Variants in ADGRL2 observed in about 807,000 individuals in gnomAD.
ADGRL2 encodes adhesion G protein-coupled receptor L2.
Under a neutral mutation model 157.4 loss-of-function variants are expected in ADGRL2, and 44 were observed. That is an observed-to-expected ratio of 0.28 (90% CI 0.22 to 0.36). The LOEUF (loss-of-function observed/expected upper bound fraction) is 0.36. ADGRL2 is among the 10% of genes least tolerant of loss of function. ADGRL2 has a pLI of 1.00. For synonymous variants in ADGRL2, 585 were observed against 624.7 expected, an observed-to-expected ratio of 0.94 and a Z score of 0.95; for missense variants, 1,510 against 1,768.9, an observed-to-expected ratio of 0.85 and a Z score of 2.63.
In ADGRL2 at chr1:81,775,758, A is replaced by T. The variant is rs58199383; in HGVS notation, c.-101+13906A>T. Among the ~76,000 whole-genome samples, 1,418 of 152,276 alleles carry T rather than the reference A, an allele frequency of 9.3e-3. 29 individuals carry two copies. Among genetic ancestry groups the T allele is most frequent in the African/African-American group, 0.032 (1,314 of 41,542 alleles). ...ACTTGAGCAAGCAAATAAGCATGAC[A>T]TTTCAGTTCAGTCTTTACTGTCCAT... is the stretch of plus-strand genomic sequence containing the variant. On this transcript the variant is annotated intron_variant, in intron 2 of 20. Transcript: ENST00000359929.
chr1:81,389,623 C>T (rs1275171995), intron 1 of ADGRL2, among the ~76,000 whole-genome samples: 4 of 152,134 alleles, frequency 2.6e-5, no homozygotes, highest in African/African-American at 4.8e-5. Flanking sequence ...TTCAAGAATG[C>T]GTCCCATGTA....
intron 1 of ADGRL2, among the ~76,000 whole-genome samples, chr1:81,331,716 G>A (rs540745024): frequency 9.4e-4 from 143 of 152,186 alleles, no homozygotes; most frequent in Non-Finnish European, 1.2e-3. Flanking sequence ...TACCATGTTA[G>A]CAGTGCCATT....
chr1:81,658,897 G>A (rs1570757171), intron 3 of ADGRL2, among the ~76,000 whole-genome samples: 1 of 151,004 alleles, frequency 6.6e-6, no homozygotes, highest in Non-Finnish European at 1.5e-5. Context: ...GATTACAGGC[G>A]CCTGACAACA....
chr1:81,739,905 A>T (rs761860250), intron 1 of ADGRL2, among the ~76,000 whole-genome samples: 35 of 152,220 alleles, frequency 2.3e-4, no homozygotes, highest in Non-Finnish European at 4.1e-4. Context: ...CAGATGCCTG[A>T]CACAACACAT....
chr1:81,317,075 T>A (rs1380667702), intron 1 of ADGRL2, among the ~76,000 whole-genome samples: 8 of 152,156 alleles, frequency 5.3e-5, no homozygotes, highest in Non-Finnish European at 8.8e-5. Flanking sequence ...CATTTGGTAA[T>A]TTTGAGAGGC....
chr1:81,420,751 T>C (rs1212193188), intron 1 of ADGRL2, among the ~76,000 whole-genome samples: 1 of 152,172 alleles, frequency 6.6e-6, no homozygotes, highest in East Asian at 1.9e-4. Context: ...GTCCAGTAGC[T>C]GAAGCTACAA....
At chr1:81,899,599 C>T (rs1480663198) in intron 2 of ADGRL2, among the ~76,000 whole-genome samples, 1 of 152,180 alleles carries the variant, frequency 6.6e-6, no homozygotes. Flanking sequence ...TTCACATTTG[C>T]ACAGCACAAA....
chr1:81,790,038 C>A (rs978949392), intron 2 of ADGRL2, among the ~76,000 whole-genome samples: 10 of 152,074 alleles, frequency 6.6e-5, no homozygotes, highest in African/African-American at 9.7e-5. Context: ...CAAAACATAA[C>A]CCTTGAAAAG....
chr1:81,673,487 G>A (rs1163173235), intron 3 of ADGRL2, among the ~76,000 whole-genome samples: 2 of 150,078 alleles, frequency 1.3e-5, no homozygotes, highest in African/African-American at 4.9e-5. Flanking sequence ...GGTGAGCCCT[G>A]AGGAACAGAA....
At chr1:81,502,444 C>A (rs2078874303) in intron 2 of ADGRL2, 1 of 1,613,900 alleles carries the variant, frequency 6.2e-7, no homozygotes, top group Non-Finnish European at 8.5e-7. Flanking sequence ...GGAAAGAGTT[C>A]CTGGATGACC....
Position 81,624,213 on chromosome 1 carries a change from G to A in ADGRL2, c.-143+43233G>A, listed in dbSNP as rs149249539. Among the ~76,000 whole-genome samples, 4 of 152,288 alleles carry A rather than the reference G, an allele frequency of 2.6e-5. No individual in the cohort carries two copies. In the East Asian group the frequency reaches 7.7e-4, roughly 29 times the overall value. ...TCTGTTGTTTTAAGCTGCCCAGTTT[G>A]TGGTATTTATTATGGAAGCGCTATG... On this transcript the variant is annotated intron_variant, in intron 3 of 24. Coordinates refer to the ADGRL2 transcript ENST00000370721.
intron 3 of ADGRL2, among the ~76,000 whole-genome samples, chr1:81,661,319 C>A (rs1379343000): frequency 6.6e-6 from 1 of 152,130 alleles, no homozygotes; most frequent in African/African-American, 2.4e-5. Context: ...AAGCAATATT[C>A]CAGATTCCTT....
Position 81,968,152 on chromosome 1 carries a change from A to C in ADGRL2, c.2476A>C (p.Ser826Arg). ...TAAAACTCGAACAACGTGTGCATGC[A>C]GCCACCTAACCAATTTTGCAATTCT... ...TNKTRTTCACSHLTNFAILMA... is the reference protein window; with the variant it reads ...TNKTRTTCACRHLTNFAILMA... The change falls in exon 14 of 24, where the codon AGC becomes CGC. Residue 826 changes from serine to arginine, a missense_variant. By Grantham distance (110) the Ser-to-Arg change is moderately radical. Around this residue, in one of 4 missense-constraint regions of ADGRL2, gnomAD observed 497 missense variants for 627.2 expected, o/e 0.79. Coordinates refer to ENST00000686636, the MANE Select transcript of ADGRL2 (RefSeq NM_001366006.2). The C allele has an allele frequency of 1.2e-6, 2 of 1,613,074 alleles. No homozygotes were observed. The highest frequency in any genetic ancestry group is 1.7e-6 in the Non-Finnish European group (2 of 1,179,738).
rs2080515889 is a variant in ADGRL2, at chr1:81,564,533, AG to A, written c.-247-16340del. Reference sequence around the variant, plus strand: ...TGCCTTGCCACATGCACCTCTCCTTAGGGCAAACCAGAGAATGGCATTAGAT... The same window carrying A: ...TGCCTTGCCACATGCACCTCTCCTTAGGCAAACCAGAGAATGGCATTAGAT... On this transcript the variant is annotated intron_variant, in intron 2 of 24. Transcript: ENST00000370721. 2.0e-5 allele frequency among the ~76,000 whole-genome samples: 3 copies of A among 152,172 alleles called. No individual in the cohort carries two copies. The South Asian group carries it at 6.2e-4, about 31-fold the overall frequency.
chr1:81,398,320 G>A (rs1164794382), intron 1 of ADGRL2, among the ~76,000 whole-genome samples: 1 of 151,936 alleles, frequency 6.6e-6, no homozygotes, highest in Admixed American at 6.6e-5. Context: ...GTTATTGATA[G>A]GTGAGGACTT....
At chr1:81,940,380 T>C (rs1479332825) in intron 4 of ADGRL2, among the ~76,000 whole-genome samples, 1 of 151,600 alleles carries the variant, frequency 6.6e-6, no homozygotes, top group Non-Finnish European at 1.5e-5. Context: ...TGCTCTTCGC[T>C]GAGGAGTAAT....
intron 6 of ADGRL2, among the ~76,000 whole-genome samples, chr1:81,944,069 A>G (rs422494): frequency 6.6e-6 from 1 of 151,930 alleles, no homozygotes; most frequent in Admixed American, 6.6e-5. Context: ...GTTTTCCCCT[A>G]CTTGACTGCT....
At chr1:81,518,948 A>G (rs2079245906) in intron 2 of ADGRL2, among the ~76,000 whole-genome samples, 1 of 152,252 alleles carries the variant, frequency 6.6e-6, no homozygotes, top group African/African-American at 2.4e-5. Flanking sequence ...TCTTTTCCAT[A>G]GATACTGATA....
At chr1:81,736,522 A>G (rs1437730164) in intron 1 of ADGRL2, among the ~76,000 whole-genome samples, 1 of 152,162 alleles carries the variant, frequency 6.6e-6, no homozygotes, top group Non-Finnish European at 1.5e-5. Flanking sequence ...GCAGAGCTAA[A>G]CCCAGTATCA....
Sources: allele counts gnomAD v4.1 joint callset (sites outside exome capture counted in the v4.1 genomes callset), GRCh38; gene constraint gnomAD v4.1.1; regional missense constraint gnomAD v4.1.1; transcripts MANE v1.5; gene names NCBI Gene and HGNC (gene_info 2026-07-23, HGNC 2026-07-21).